The following NIPBL variants were observed in gnomAD, a reference collection of about 807,000 sequenced individuals.
The protein encoded by NIPBL is NIPBL cohesin loading factor.
Under a neutral mutation model 321.8 loss-of-function variants are expected in NIPBL, and 19 were observed. The observed-to-expected ratio is 0.06, with a 90% CI of 0.04 to 0.09. NIPBL has a LOEUF of 0.09. Ranked by LOEUF, NIPBL falls within the 10% of genes least tolerant of loss-of-function variation. The pLI, the probability that NIPBL is intolerant of heterozygous loss-of-function variation, is 1.00. For synonymous variants in NIPBL, 1,106 were observed against 1,114.1 expected (o/e 0.99, Z 0.14); for missense variants, 2,210 against 3,327.0 (o/e 0.66, Z 8.26).
intron 7 of NIPBL, 69 bp from the exon 8 acceptor site, chr5:36,971,876 G>C: frequency 6.5e-7 from 1 of 1,542,226 alleles, no homozygotes; most frequent in South Asian, 1.2e-5. Context: ...TCTCTTATTG[G>C]TTCTCTTTTA....
At chr5:36,990,286 A>G (rs1285154690) in intron 10 of NIPBL, among the ~76,000 whole-genome samples, 1 of 152,220 alleles carries the variant, frequency 6.6e-6, no homozygotes, top group Non-Finnish European at 1.5e-5. Context: ...CAGTTACACT[A>G]CTAAATGCTG....
intron 1 of NIPBL, among the ~76,000 whole-genome samples, chr5:36,939,114 C>T (rs1011207263): frequency 6.6e-6 from 1 of 152,142 alleles, no homozygotes; most frequent in African/African-American, 2.4e-5. Context: ...GTGATCCTTA[C>T]ACCTCAGCCT....
chr5:37,027,315 T>C (rs1750398149), intron 31 of NIPBL, 44 bp from the exon 32 acceptor site: 1 of 1,387,072 alleles, frequency 7.2e-7, no homozygotes, highest in Non-Finnish European at 1.0e-6. Context: ...TTTATTCACA[T>C]TTATAAATAT....
intron 39 of NIPBL, 106 bp from the exon 40 acceptor site, chr5:37,049,005 C>T (rs185521105): frequency 1.8e-6 from 2 of 1,095,580 alleles, no homozygotes; most frequent in Non-Finnish European, 2.8e-6. Context: ...AGCCAGAACA[C>T]TAGCTGTAAC....
intron 22 of NIPBL, among the ~76,000 whole-genome samples, chr5:37,015,170 C>A (rs1325316884): frequency 6.6e-6 from 1 of 151,566 alleles, no homozygotes; most frequent in Non-Finnish European, 1.5e-5. Context: ...GTTGCCCAGG[C>A]TGGAGTGCAA....
In NIPBL at chr5:36,976,119, C is replaced by T. The variant is rs80358349; in HGVS notation, c.1212C>T (p.Pro404=). The T allele has an allele frequency of 7.7e-5, 125 of 1,613,948 alleles. No homozygotes were observed. In the African/African-American group the frequency reaches 1.6e-3, roughly 21 times the overall value. ...VQYPGQTSKT[P]ITPQDINRPL... is the part of the protein sequence containing the mutation. ...ACCCAGGACAGACTTCAAAAACACC[C>T]ATTACTCCACAAGATATAAACCGCC... Residue 404 remains proline (P), a synonymous_variant, in exon 9 of 47, where the codon CCC becomes CCT. Transcript: ENST00000282516.
intron 1 of NIPBL, among the ~76,000 whole-genome samples, chr5:36,898,668 C>T (rs1048555321): frequency 8.5e-5 from 13 of 152,170 alleles, no homozygotes; most frequent in Middle Eastern, 6.8e-3. Flanking sequence ...TGCGCCATCA[C>T]GCCCACCCAA....
intron 1 of NIPBL, among the ~76,000 whole-genome samples, chr5:36,879,460 C>T (rs1745346062): frequency 1.3e-5 from 2 of 152,084 alleles, no homozygotes. Flanking sequence ...TTGGTCCAAA[C>T]CAATTAAATA....
chr5:36,881,832 A>C (rs1054572745), intron 1 of NIPBL, among the ~76,000 whole-genome samples: 1 of 151,982 alleles, frequency 6.6e-6, no homozygotes, highest in East Asian at 1.9e-4. Context: ...CTTGTGTTTA[A>C]AACAATTTTT....
intron 21 of NIPBL, among the ~76,000 whole-genome samples, chr5:37,014,348 G>A (rs185105721): frequency 1.3e-5 from 2 of 151,780 alleles, no homozygotes; most frequent in African/African-American, 4.8e-5. Context: ...CTTTGAGGTT[G>A]ACATATTTTT....
At chr5:36,992,029 C>A (rs1031205458) in intron 10 of NIPBL, among the ~76,000 whole-genome samples, 1 of 151,958 alleles carries the variant, frequency 6.6e-6, no homozygotes, top group African/African-American at 2.4e-5. Flanking sequence ...TAATGGAAAT[C>A]AAAGATTGCT....
At chr5:36,916,697 G>A (rs886876495) in intron 1 of NIPBL, among the ~76,000 whole-genome samples, 3 of 139,828 alleles carry the variant, frequency 2.1e-5, no homozygotes, top group South Asian at 2.4e-4. Context: ...TCCCCTTCCC[G>A]TGTCCAAGGG....
intron 8 of NIPBL, among the ~76,000 whole-genome samples, chr5:36,972,331 T>C (rs1742950063): frequency 6.6e-6 from 1 of 152,088 alleles, no homozygotes; most frequent in Non-Finnish European, 1.5e-5. Flanking sequence ...AACGTTCTTC[T>C]CTTAAACATT....
At chr5:37,000,089 C>G (rs1025252414) in intron 11 of NIPBL, among the ~76,000 whole-genome samples, 3 of 152,136 alleles carry the variant, frequency 2.0e-5, no homozygotes, top group African/African-American at 7.2e-5. Flanking sequence ...GAATAACTGT[C>G]CTTGAAGTGA....
intron 1 of NIPBL, among the ~76,000 whole-genome samples, chr5:36,952,058 G>GCGCGCA (rs1740407724): frequency 2.2e-5 from 2 of 92,896 alleles, no homozygotes; most frequent in South Asian, 3.0e-4. Flanking sequence ...GTGTGTGCGC[G>GCGCGCA]CGCGCGCGCG....
intron 32 of NIPBL, among the ~76,000 whole-genome samples, chr5:37,032,294 C>T (rs980223137): frequency 4.6e-5 from 7 of 151,736 alleles, no homozygotes; most frequent in African/African-American, 1.2e-4. Context: ...AAGGAAAAAA[C>T]GGGGAGTATA....
chr5:37,007,979 T>G, intron 18 of NIPBL, 29 bp from the exon 19 acceptor site: 1 of 1,259,346 alleles, frequency 7.9e-7, no homozygotes, highest in Non-Finnish European at 1.2e-6. Context: ...ACTAAAGGTG[T>G]ATACTACTTA....
intron 20 of NIPBL, 72 bp from the exon 21 acceptor site, chr5:37,010,015 C>A: frequency 8.2e-7 from 1 of 1,213,750 alleles, no homozygotes; most frequent in Non-Finnish European, 1.2e-6. Flanking sequence ...TATCGTGAAA[C>A]TTTCAGACAA....
chr5:37,040,112 G>A (rs1305342655), intron 34 of NIPBL, among the ~76,000 whole-genome samples: 5 of 152,028 alleles, frequency 3.3e-5, no homozygotes, highest in East Asian at 1.9e-4. Context: ...TCAGCCCCAT[G>A]TCTGCCAGTA....
Sources: allele counts gnomAD v4.1 joint callset (sites outside exome capture counted in the v4.1 genomes callset), GRCh38; gene constraint gnomAD v4.1.1; transcripts MANE v1.5; gene names NCBI Gene and HGNC (gene_info 2026-07-23, HGNC 2026-07-21).